The following IGF1R variants were observed in gnomAD, a reference collection of about 807,000 sequenced individuals.
The protein encoded by IGF1R is insulin like growth factor 1 receptor.
IGF1R carries 44 observed loss-of-function variants against 144.6 expected under a neutral mutation model. That is an observed-to-expected ratio of 0.30 (90% confidence interval 0.24 to 0.39). The LOEUF (loss-of-function observed/expected upper bound fraction) is 0.39, where lower values mean the gene tolerates loss of function less well. Ranked by LOEUF, IGF1R falls within the 10% of genes least tolerant of loss-of-function variation. IGF1R has a pLI of 1.00. For missense variants in IGF1R, 1,355 were observed against 1,833.7 expected (o/e 0.74, Z 4.77); for synonymous variants, 795 against 722.8 (o/e 1.10, Z -1.60).
At chr15:98,950,729 A>G (rs2016740525) in intron 20 of IGF1R, among the ~76,000 whole-genome samples, 1 of 152,226 alleles carries the variant, frequency 6.6e-6, no homozygotes, top group Non-Finnish European at 1.5e-5. Context: ...ATTGATGAGA[A>G]GCCTGATTAG....
intron 2 of IGF1R, among the ~76,000 whole-genome samples, chr15:98,880,463 A>G (rs908604009): frequency 2.6e-5 from 4 of 152,118 alleles, no homozygotes; most frequent in Non-Finnish European, 1.5e-5. Context: ...CTGTCAGGCA[A>G]TTATTTCTTT....
At chr15:98,909,776 T>G (rs1381172367) in intron 6 of IGF1R, among the ~76,000 whole-genome samples, 1 of 152,232 alleles carries the variant, frequency 6.6e-6, no homozygotes, top group Non-Finnish European at 1.5e-5. Flanking sequence ...GAGTTGATAT[T>G]GCTTTTTAAA....
At chr15:98,754,002 C>T (rs749123774) in intron 2 of IGF1R, among the ~76,000 whole-genome samples, 5 of 152,216 alleles carry the variant, frequency 3.3e-5, no homozygotes, top group African/African-American at 7.2e-5. Flanking sequence ...TTCCAGCCAG[C>T]TCATTTCTCA....
At chr15:98,768,100 A>G (rs1483788662) in intron 2 of IGF1R, among the ~76,000 whole-genome samples, 1 of 152,210 alleles carries the variant, frequency 6.6e-6, no homozygotes, top group African/African-American at 2.4e-5. Flanking sequence ...AGGAAACGGT[A>G]GACTCCTGTG....
chr15:98,880,106 G>A (rs1248916324), intron 2 of IGF1R, among the ~76,000 whole-genome samples: 1 of 152,108 alleles, frequency 6.6e-6, no homozygotes, highest in Non-Finnish European at 1.5e-5. Flanking sequence ...ACTCTAAATG[G>A]GTGAGTTATA....
At position 98,676,209 on chromosome 15, in the gene IGF1R, C is replaced by T. The variant is rs1044630099; in HGVS notation, c.94+26534C>T. ...AAGCTGGAGTGCAGTGGCGCCATCT[C>T]GGCTCCCTGCAACCTCCACCTCCCG... On this transcript the variant is annotated intron_variant, in intron 1 of 20. Transcript: ENST00000650285. 4.6e-5 allele frequency among the ~76,000 whole-genome samples: 7 copies of T among 152,068 alleles called. No homozygotes were observed. The East Asian group carries it at 5.8e-4, about 13-fold the overall frequency.
intron 2 of IGF1R, among the ~76,000 whole-genome samples, chr15:98,765,198 T>C (rs748555927): frequency 6.6e-5 from 10 of 152,132 alleles, no homozygotes; most frequent in Non-Finnish European, 7.3e-5. Context: ...ATCCAGAAGA[T>C]TTGCTTTTCA....
intron 10 of IGF1R, among the ~76,000 whole-genome samples, chr15:98,920,202 G>A (rs1169132888): frequency 2.6e-5 from 4 of 152,124 alleles, no homozygotes; most frequent in Admixed American, 6.5e-5. Flanking sequence ...GCTTTTGGGC[G>A]TACGATTTGG....
At chr15:98,684,930 C>CTTTTTTTTTT (rs5814891) in intron 1 of IGF1R, among the ~76,000 whole-genome samples, 1 of 113,440 alleles carries the variant, frequency 8.8e-6, no homozygotes. Context: ...CTTCCTTTTC[C>CTTTTTTTTTT]TTTTTTTTTT....
rs2141258716 is a variant in IGF1R, at chr15:98,707,591, G to A, written c.124G>A (p.Asp42Asn). The change falls in exon 2 of 21, where the codon GAC (aspartate) becomes AAC (asparagine). Residue 42 changes from aspartate (D) to asparagine (N), a missense_variant. This residue lies in a region of IGF1R where 75 missense variants were observed against 160.0 expected (regional missense o/e 0.47). Transcript: ENST00000650285. The surrounding 1 kb of genome is among the most constrained non-coding windows in gnomAD (Gnocchi z 6.7). The stretch of plus-strand genomic sequence containing the variant: ...CGGGCCAGGCATCGACATCCGCAAC[G>A]ACTATCAGCAGCTGAAGCGCCTGGA... ...ICGPGIDIRNDYQQLKRLENC... is the reference protein window; with the variant it reads ...ICGPGIDIRNNYQQLKRLENC... 1.2e-6 allele frequency: 2 copies of A among 1,614,180 alleles called. No homozygotes were observed. The highest frequency in any genetic ancestry group is 1.7e-6 in the Non-Finnish European group (2 of 1,180,038).
At chr15:98,787,044 C>T (rs774232875) in intron 2 of IGF1R, among the ~76,000 whole-genome samples, 7 of 152,196 alleles carry the variant, frequency 4.6e-5, no homozygotes, top group Admixed American at 6.5e-5. Context: ...TCCACAAGAG[C>T]GCCCTGGTTC....
chr15:98,763,459 A>ATT (rs111934203), intron 2 of IGF1R, among the ~76,000 whole-genome samples: 43 of 141,936 alleles, frequency 3.0e-4, no homozygotes, highest in East Asian at 8.2e-4. Context: ...GGGACTCCTG[A>ATT]TTTTTTTTTT....
chr15:98,926,480 GATGTA>G (rs1292425983), intron 13 of IGF1R, among the ~76,000 whole-genome samples: 1 of 152,166 alleles, frequency 6.6e-6, no homozygotes, highest in Non-Finnish European at 1.5e-5. Context: ...AAAAAAATGT[GATGTA>G]ATACATATGT....
At chr15:98,653,705 G>C (rs74035312) in intron 1 of IGF1R, among the ~76,000 whole-genome samples, 5 of 152,222 alleles carry the variant, frequency 3.3e-5, no homozygotes, top group African/African-American at 1.2e-4. Flanking sequence ...AAAAGACCTA[G>C]AGAATAATTG....
intron 13 of IGF1R, among the ~76,000 whole-genome samples, chr15:98,925,431 GTTATTTC>G (rs1401690332): frequency 1.8e-4 from 28 of 152,196 alleles, no homozygotes; most frequent in African/African-American, 5.1e-4. Context: ...TTGAGTTTCT[GTTATTTC>G]TTATTTCAAA....
Position 98,723,344 on chromosome 15 carries a change from A to G in IGF1R, c.640+15237A>G, listed in dbSNP as rs770954949. Among the ~76,000 whole-genome samples, 48 of 152,360 alleles carry G rather than the reference A, an allele frequency of 3.2e-4. No individual in the cohort carries two copies. The Middle Eastern group carries it at 0.01, about 32-fold the overall frequency. On this transcript the variant is annotated intron_variant, in intron 2 of 20. Transcript: ENST00000650285. ...TCCTCCAGTCAAAGAAAAACTCTGCATATGATCTTTGGCCTGGAGAAATAT... is the reference window on the plus strand; with the variant it reads ...TCCTCCAGTCAAAGAAAAACTCTGCGTATGATCTTTGGCCTGGAGAAATAT...
At chr15:98,884,683 C>CA (rs35707888) in intron 2 of IGF1R, among the ~76,000 whole-genome samples, 25,675 of 79,970 alleles carry the variant, frequency 0.32, 4,415 homozygotes, top group Non-Finnish European at 0.4. Context: ...CACTCCGTCT[C>CA]AAAAAAAAAA....
At chr15:98,916,286 G>A (rs1204895323) in intron 9 of IGF1R, among the ~76,000 whole-genome samples, 155 bp downstream of exon 9, 1 of 135,640 alleles carries the variant, frequency 7.4e-6, no homozygotes, top group African/African-American at 2.8e-5. Context: ...TTTTGAGACA[G>A]AGTCTCACTC....
In IGF1R at chr15:98,700,122, C is replaced by G. The variant is rs547570267; in HGVS notation, c.95-7440C>G. 7.2e-5 allele frequency among the ~76,000 whole-genome samples: 11 copies of G among 152,254 alleles called. No homozygotes were observed. The East Asian group carries it at 1.2e-3, about 16-fold the overall frequency. On this transcript the variant is annotated intron_variant, in intron 1 of 20. Coordinates refer to ENST00000650285, the MANE Select transcript of IGF1R (RefSeq NM_000875.5). ...TTATCATAACATTGTCTTTTTCCCT[C>G]TTTTCTGATCTCTGATTTTTCAATT... is the stretch of plus-strand genomic sequence containing the variant.
Sources: allele counts gnomAD v4.1 joint callset (sites outside exome capture counted in the v4.1 genomes callset), GRCh38; gene constraint gnomAD v4.1.1; regional missense constraint gnomAD v4.1.1; non-coding constraint Gnocchi (gnomAD v3.1); transcripts MANE v1.5; gene names NCBI Gene and HGNC (gene_info 2026-07-23, HGNC 2026-07-21).